The following KCTD3 variants were observed in gnomAD, a reference collection of about 807,000 sequenced individuals.
The protein encoded by KCTD3 is BTB/POZ domain-containing protein KCTD3.
In KCTD3, 41 loss-of-function variants were observed where a neutral mutation model predicts 85.8. The ratio of observed to expected loss-of-function variants is 0.48; its 90% CI spans 0.37 to 0.62. The LOEUF is 0.62. Among genes scored for constraint, KCTD3 ranks in the 20% least tolerant of loss-of-function variants. The pLI is 0.00. For missense variants in KCTD3, 724 were observed against 989.9 expected (o/e 0.73, Z 3.60); for synonymous variants, 338 against 345.4 (o/e 0.98, Z 0.24).
Position 215,618,975 on chromosome 1 carries a change from C to A in KCTD3, c.1652C>A (p.Pro551Gln). 2.5e-6 allele frequency: 4 copies of A among 1,613,838 alleles called. No individual in the cohort carries two copies. Among genetic ancestry groups the A allele is most frequent in the Non-Finnish European group, 3.4e-6 (4 of 1,179,864 alleles). Reference sequence around the variant, plus strand: ...GGATCCAGTAGGATGGGCTCAAGACCAAGGCGCTACTTGTTCACAGGCCAT... The same window carrying A: ...GGATCCAGTAGGATGGGCTCAAGACAAAGGCGCTACTTGTTCACAGGCCAT... ...CEGSSRMGSR[P>Q]RRYLFTGHTN... is the part of the protein sequence containing the mutation. Residue 551 changes from proline (P) to glutamine (Q), a missense_variant, in exon 16 of 18, where the codon CCA (proline) becomes CAA (glutamine). Around this residue, in one of 6 missense-constraint regions of KCTD3, gnomAD observed 136 missense variants for 197.6 expected, o/e 0.69. Coordinates refer to ENST00000259154, the MANE Select transcript of KCTD3 (RefSeq NM_016121.5).
intron 15 of KCTD3, 62 bp from the exon 16 acceptor site, chr1:215,618,824 C>A: frequency 8.0e-7 from 1 of 1,244,674 alleles, no homozygotes. Flanking sequence ...TTTTTAGTTT[C>A]ATAGCTTCTT....
intron 9 of KCTD3, among the ~76,000 whole-genome samples, chr1:215,593,748 G>A (rs567760438): frequency 1.3e-5 from 2 of 151,910 alleles, no homozygotes; most frequent in East Asian, 1.9e-4. Flanking sequence ...AAACAGTATT[G>A]TAGAGGTGAG....
At chr1:215,618,259 C>CT (rs1655529524) in intron 15 of KCTD3, 1 of 309,766 alleles carries the variant, frequency 3.2e-6, no homozygotes, top group Non-Finnish European at 7.1e-6. Flanking sequence ...AAGAATGAGA[C>CT]TAGGATAGTC....
At chr1:215,574,038 T>G in intron 2 of KCTD3, 35 bp from the exon 3 acceptor site, 2 of 1,523,500 alleles carry the variant, frequency 1.3e-6, no homozygotes, top group Non-Finnish European at 1.8e-6. Flanking sequence ...TACTCAGATT[T>G]TAAAAACTAA....
chr1:215,594,510 A>G (rs901068159), intron 9 of KCTD3, among the ~76,000 whole-genome samples: 25 of 152,104 alleles, frequency 1.6e-4, no homozygotes, highest in African/African-American at 5.8e-4. Context: ...ATGGACTCCT[A>G]TTAACCTTTA....
chr1:215,576,316 G>C (rs1315667163), intron 4 of KCTD3, among the ~76,000 whole-genome samples: 1 of 151,648 alleles, frequency 6.6e-6, no homozygotes, highest in Non-Finnish European at 1.5e-5. Context: ...CAGTCTCCCC[G>C]CCTTAGCCTC....
At chr1:215,580,861 A>G in intron 8 of KCTD3, 1 of 341,608 alleles carries the variant, frequency 2.9e-6, no homozygotes, top group Non-Finnish European at 5.9e-6. Flanking sequence ...TTTTTTAAAA[A>G]TCTGAATTTA....
At chr1:215,589,221 A>G (rs1660128786) in intron 9 of KCTD3, among the ~76,000 whole-genome samples, 1 of 151,766 alleles carries the variant, frequency 6.6e-6, no homozygotes, top group African/African-American at 2.4e-5. Context: ...CTGCATCCTC[A>G]ACCTCCTGGG....
chr1:215,615,963 A>G (rs1331955219), intron 15 of KCTD3, among the ~76,000 whole-genome samples: 1 of 152,166 alleles, frequency 6.6e-6, no homozygotes, highest in African/African-American at 2.4e-5. Flanking sequence ...TCTCCCAGGG[A>G]TGGGGCAGAA....
rs1382098065 is a variant in KCTD3 at position 215,583,109 on chromosome 1, A to C, written c.626+3110A>C. Among the ~76,000 whole-genome samples the C allele has an allele frequency of 1.3e-4, 20 of 152,080 alleles. 1 individual carries two copies. Among genetic ancestry groups the C allele is most frequent in the Admixed American group, 1.3e-3 (20 of 15,264 alleles). ...AGAAGTAATATGTCTGTAAAAGATG[A>C]GATTATATAGTTTTTTTTTTTAAGT... On this transcript the variant is annotated intron_variant, in intron 8 of 17. Transcript: ENST00000259154.
intron 1 of KCTD3, among the ~76,000 whole-genome samples, chr1:215,570,081 A>G (rs1000646450): frequency 6.6e-6 from 1 of 152,204 alleles, no homozygotes; most frequent in African/African-American, 2.4e-5. Context: ...TAACATAGTC[A>G]CTTAAGCCAC....
At chr1:215,619,340 A>G in intron 17 of KCTD3, 49 bp downstream of exon 17, 1 of 1,437,094 alleles carries the variant, frequency 7.0e-7, no homozygotes, top group East Asian at 2.3e-5. Flanking sequence ...TCTTTTGGGG[A>G]AATTGACTGA....
At chr1:215,572,070 A>G (rs887040579) in intron 1 of KCTD3, among the ~76,000 whole-genome samples, 3 of 152,210 alleles carry the variant, frequency 2.0e-5, no homozygotes, top group African/African-American at 4.8e-5. Flanking sequence ...CTGCTAAATG[A>G]TTTAAGTGGG....
Position 215,621,347 on chromosome 1 carries a change from C to A in KCTD3, c.*729C>A, listed in dbSNP as rs1241644960. 1 of 151,976 alleles carries A rather than the reference C, an allele frequency of 6.6e-6. No homozygotes were observed. The highest frequency in any genetic ancestry group is 1.5e-5 in the Non-Finnish European group (1 of 67,954). 9.4% of individuals were successfully genotyped at this position (151,976 alleles called of 1,614,324 possible). ...ATGAAATAAAAATAATAATCAAGGG[C>A]AAAGCTTTGAGTGCCCAGAAGGGAA... On this transcript the variant is annotated 3_prime_UTR_variant, in exon 18 of 18. Transcript: ENST00000259154.
At chr1:215,594,961 A>T (rs1345876793) in intron 9 of KCTD3, among the ~76,000 whole-genome samples, 1 of 152,160 alleles carries the variant, frequency 6.6e-6, no homozygotes, top group Non-Finnish European at 1.5e-5. Context: ...AGCAAGCTGC[A>T]TATAACTCAC....
chr1:215,603,110 C>T (rs538854976), intron 12 of KCTD3, among the ~76,000 whole-genome samples: 2 of 151,974 alleles, frequency 1.3e-5, no homozygotes, highest in African/African-American at 2.4e-5. Context: ...TGGCCCCTTA[C>T]GGAAAGTGTA....
chr1:215,588,665 T>C (rs988348003), intron 9 of KCTD3, among the ~76,000 whole-genome samples: 6 of 152,144 alleles, frequency 3.9e-5, no homozygotes, highest in African/African-American at 1.4e-4. Flanking sequence ...TTCCTGTGTT[T>C]GTAGCTATGC....
At chr1:215,601,807 G>T in intron 10 of KCTD3, 60 bp from the exon 11 acceptor site, 4 of 1,011,140 alleles carry the variant, frequency 4.0e-6, no homozygotes, top group South Asian at 3.0e-5. Flanking sequence ...TGAGGAAATT[G>T]ACCAGAAAAT....
intron 6 of KCTD3, among the ~76,000 whole-genome samples, chr1:215,578,554 T>C (rs1392150506): frequency 6.6e-6 from 1 of 152,224 alleles, no homozygotes; most frequent in Non-Finnish European, 1.5e-5. Flanking sequence ...TGATTTTACC[T>C]GTGTTATAAT....
Sources: allele counts gnomAD v4.1 joint callset (sites outside exome capture counted in the v4.1 genomes callset), GRCh38; gene constraint gnomAD v4.1.1; regional missense constraint gnomAD v4.1.1; transcripts MANE v1.5; gene names NCBI Gene and HGNC (gene_info 2026-07-23, HGNC 2026-07-21).